ZFAND3: variants seen among roughly 807,000 people sequenced by gnomAD.
ZFAND3 encodes zinc finger AN1-type containing 3, also known as AN1-type zinc finger protein 3.
In ZFAND3, 10 loss-of-function variants were observed where a neutral mutation model predicts 29.6. That is an observed-to-expected ratio of 0.34 (90% confidence interval 0.21 to 0.57). ZFAND3 has a LOEUF of 0.57. Among genes scored for constraint, ZFAND3 ranks in the 20% least tolerant of loss-of-function variants. ZFAND3 has a pLI of 0.86. For synonymous variants in ZFAND3, 128 were observed against 112.6 expected, an observed-to-expected ratio of 1.14 and a Z score of -0.87; for missense variants, 230 against 304.5, an observed-to-expected ratio of 0.76 and a Z score of 1.82.
chr6:38,045,709 A>T (rs892235165), intron 2 of ZFAND3, among the ~76,000 whole-genome samples: 2 of 152,238 alleles, frequency 1.3e-5, no homozygotes, highest in Non-Finnish European at 2.9e-5. Context: ...TGAGTAAAAA[A>T]TATCATATAT....
chr6:37,846,773 G>A (rs747726200), intron 1 of ZFAND3, among the ~76,000 whole-genome samples: 9 of 150,798 alleles, frequency 6.0e-5, no homozygotes, highest in Non-Finnish European at 1.0e-4. Flanking sequence ...GTACAGTGGC[G>A]TGATCTCGGC....
chr6:38,023,900 T>A (rs1347388477), intron 2 of ZFAND3, among the ~76,000 whole-genome samples: 2 of 152,132 alleles, frequency 1.3e-5, no homozygotes, highest in Admixed American at 6.5e-5. Flanking sequence ...GTGTATGTAG[T>A]CCCAGCTACT....
At chr6:38,111,136 T>G (rs1765307575) in intron 4 of ZFAND3, among the ~76,000 whole-genome samples, 1 of 152,252 alleles carries the variant, frequency 6.6e-6, no homozygotes, top group Non-Finnish European at 1.5e-5. Flanking sequence ...ATTGAAAGTC[T>G]TAACACTACT....
intron 5 of ZFAND3, among the ~76,000 whole-genome samples, chr6:38,117,930 A>ACCAGATAC (rs1765453710): frequency 6.6e-6 from 1 of 152,210 alleles, no homozygotes; most frequent in South Asian, 2.1e-4. Context: ...TCCTGTTTTG[A>ACCAGATAC]CCAGATACCT....
chr6:37,977,246 CTG>C (rs1418040089), intron 2 of ZFAND3, among the ~76,000 whole-genome samples: 1 of 152,074 alleles, frequency 6.6e-6, no homozygotes, highest in Non-Finnish European at 1.5e-5. Context: ...CGTCGTATAA[CTG>C]TATTTCTTTT....
intron 2 of ZFAND3, among the ~76,000 whole-genome samples, chr6:38,026,915 A>G (rs564340715): frequency 6.6e-6 from 1 of 152,292 alleles, no homozygotes; most frequent in South Asian, 2.1e-4. Context: ...CTCTTTACAG[A>G]TGAAATTCCA....
intron 1 of ZFAND3, among the ~76,000 whole-genome samples, chr6:37,882,662 A>G (rs1374258281): frequency 1.2e-5 from 1 of 83,194 alleles, no homozygotes; most frequent in African/African-American, 4.9e-5. Flanking sequence ...CCACCCTTCC[A>G]CCCTTTTGGA....
At chr6:38,135,489 A>G (rs1339857843) in intron 5 of ZFAND3, among the ~76,000 whole-genome samples, 1 of 152,230 alleles carries the variant, frequency 6.6e-6, no homozygotes, top group Non-Finnish European at 1.5e-5. Flanking sequence ...TCACGCCTGT[A>G]ATCCCAGCAC....
intron 2 of ZFAND3, among the ~76,000 whole-genome samples, chr6:38,050,240 T>A (rs1764000389): frequency 6.6e-6 from 1 of 151,758 alleles, no homozygotes; most frequent in Admixed American, 6.6e-5. Context: ...CAAGCGTGAG[T>A]CACCGTGCCT....
intron 2 of ZFAND3, among the ~76,000 whole-genome samples, chr6:38,006,342 A>G (rs1407109910): frequency 1.3e-5 from 2 of 152,178 alleles, no homozygotes; most frequent in African/African-American, 4.8e-5. Flanking sequence ...ATTTCACACT[A>G]ATTTTATTCA....
chr6:38,122,524 T>A (rs1198956228), intron 5 of ZFAND3, among the ~76,000 whole-genome samples: 1 of 152,192 alleles, frequency 6.6e-6, no homozygotes, highest in Admixed American at 6.5e-5. Flanking sequence ...TTCTGCTGGC[T>A]CCTGTGCTCT....
chr6:37,845,692 G>T (rs550263563), intron 1 of ZFAND3, among the ~76,000 whole-genome samples: 1 of 152,170 alleles, frequency 6.6e-6, no homozygotes, highest in South Asian at 2.1e-4. Flanking sequence ...TCAGAGACTT[G>T]CTAGGCTGGA....
intron 3 of ZFAND3, among the ~76,000 whole-genome samples, chr6:38,082,142 GT>G (rs771690113): frequency 1.7e-4 from 24 of 145,424 alleles, no homozygotes; most frequent in East Asian, 2.1e-4. Flanking sequence ...AGACTCGGCT[GT>G]TTTTTTTTTT....
At chr6:38,147,716 C>T (rs1766139178) in intron 5 of ZFAND3, among the ~76,000 whole-genome samples, 1 of 152,110 alleles carries the variant, frequency 6.6e-6, no homozygotes, top group Admixed American at 6.5e-5. Flanking sequence ...ATTTGTATTT[C>T]TCTGATGATT....
At chr6:37,959,733 T>G (rs2127424099) in intron 2 of ZFAND3, among the ~76,000 whole-genome samples, 1 of 152,338 alleles carries the variant, frequency 6.6e-6, no homozygotes, top group East Asian at 1.9e-4. Flanking sequence ...TGTATCTGTA[T>G]TTTGAAAGTC....
At chr6:38,006,290 A>G (rs1406124506) in intron 2 of ZFAND3, among the ~76,000 whole-genome samples, 1 of 152,164 alleles carries the variant, frequency 6.6e-6, no homozygotes, top group Non-Finnish European at 1.5e-5. Flanking sequence ...CAGCTGTTGT[A>G]TGTCTCTGTG....
chr6:38,063,515 T>C (rs189750404), intron 3 of ZFAND3, among the ~76,000 whole-genome samples: 101 of 152,334 alleles, frequency 6.6e-4, no homozygotes, highest in African/African-American at 2.4e-3. Context: ...CATACACCCA[T>C]GTTGGTCCTT....
rs76352678 is a variant in ZFAND3 at position 37,958,741 on chromosome 6, C to T, written c.112+28742C>T. 0.014 allele frequency among the ~76,000 whole-genome samples: 2,167 copies of T among 152,164 alleles called. 254 individuals are homozygous for T. In the East Asian group the frequency reaches 0.28, roughly 20 times the overall value. On this transcript the variant is annotated intron_variant, in intron 2 of 5. Transcript: ENST00000287218. Reference sequence around the variant, plus strand: ...GCTTGGCTTTTCAGGACCGCCCCCCCCTTCCCCACCCACCGACGGACAAAA... The same window carrying T: ...GCTTGGCTTTTCAGGACCGCCCCCCTCTTCCCCACCCACCGACGGACAAAA...
chr6:37,871,067 C>T (rs1015400544), intron 1 of ZFAND3, among the ~76,000 whole-genome samples: 6 of 152,080 alleles, frequency 3.9e-5, no homozygotes, highest in Non-Finnish European at 7.3e-5. Context: ...AAATATTTTT[C>T]TCTGCCCCAT....
Sources: gnomAD v4.1 joint callset for allele counts (sites outside exome capture counted in the v4.1 genomes callset) on GRCh38, gnomAD v4.1.1 for gene constraint, MANE v1.5 for transcripts, NCBI Gene and HGNC (gene_info 2026-07-23, HGNC 2026-07-21) for gene names.